The following PLCD3 variants were observed in gnomAD, a reference collection of about 807,000 sequenced individuals.
The protein encoded by PLCD3 is phospholipase C delta 3, also known as 1-phosphatidylinositol 4,5-bisphosphate phosphodiesterase delta-3.
PLCD3 carries 62 observed loss-of-function variants against 82.8 expected under a neutral mutation model. That is an observed-to-expected ratio of 0.75 (90% confidence interval 0.61 to 0.93). The LOEUF (loss-of-function observed/expected upper bound fraction) is 0.93. Among genes scored for constraint, PLCD3 ranks in the 40% least tolerant of loss-of-function variants. The pLI is 0.00. For missense variants in PLCD3, 1,023 were observed against 1,103.4 expected (o/e 0.93, Z 1.03); for synonymous variants, 478 against 471.8 (o/e 1.01, Z -0.17).
rs2054310548 is a variant in PLCD3 at position 45,118,574 on chromosome 17, C to T, written c.914-82G>A. ...TCCAATGCCCCCAAGGCCCACTCAG[C>T]TTAGGAATAATGACTAGACAATCTA... On this transcript the variant is annotated intron_variant, in intron 5 of 14. Transcript: ENST00000619929. This position sits in a 1 kb window ranked among gnomAD's most constrained non-coding sequence, Gnocchi z 4.1. The T allele has an allele frequency of 2.7e-6, 4 of 1,495,390 alleles. No homozygotes were observed. The highest frequency in any genetic ancestry group is 2.8e-6 in the Non-Finnish European group (3 of 1,088,350). 92.6% of individuals were successfully genotyped at this position (1,495,390 alleles called of 1,614,324 possible). A position where few individuals can be genotyped will look rare whatever the true frequency, so the allele number is the denominator to read the frequency against.
At chr17:45,119,798 T>C (rs2143568417) in intron 4 of PLCD3, among the ~76,000 whole-genome samples, 1 of 152,340 alleles carries the variant, frequency 6.6e-6, no homozygotes, top group South Asian at 2.1e-4. Flanking sequence ...TGGGCTCTCC[T>C]GTCTTTCGGG....
intron 1 of PLCD3, among the ~76,000 whole-genome samples, chr17:45,125,561 A>G (rs955083727): frequency 1.3e-5 from 2 of 152,238 alleles, no homozygotes; most frequent in Admixed American, 6.5e-5. Context: ...GTGCCACTAT[A>G]CTCCAGCCTG....
intron 1 of PLCD3, among the ~76,000 whole-genome samples, chr17:45,128,428 C>T (rs1304712506): frequency 6.6e-6 from 1 of 152,190 alleles, no homozygotes; most frequent in Non-Finnish European, 1.5e-5. Flanking sequence ...TGGAGGGCCA[C>T]CCAGCTTACC....
At chr17:45,124,884 G>A (rs552035402) in intron 1 of PLCD3, among the ~76,000 whole-genome samples, 55 of 152,322 alleles carry the variant, frequency 3.6e-4, no homozygotes, top group Middle Eastern at 3.4e-3. Flanking sequence ...GAGGGCAAAC[G>A]AAAGCCAAAA....
chr17:45,120,860 TCTCCAAGGATGGGGCC>T (rs2054331131), intron 3 of PLCD3, 26 bp downstream of exon 3: 2 of 1,408,934 alleles, frequency 1.4e-6, no homozygotes. Flanking sequence ...AGGTTAGGGC[TCTCCAAGGATGGGGCC>T]CTCCCTCCCA....
Position 45,125,779 on chromosome 17 carries a change from G to A in PLCD3, c.164-4407C>T, listed in dbSNP as rs115243577. ...AAGTGAAAGAAGCCAGACCCCAAAC[G>A]ACAAATACTATGTGATTCCACCCAT... On this transcript the variant is annotated intron_variant, in intron 1 of 14. Transcript: ENST00000619929. Among the ~76,000 whole-genome samples, 412 of 152,280 alleles carry A rather than the reference G, an allele frequency of 2.7e-3. 1 individual carries two copies. The highest frequency in any genetic ancestry group is 9.5e-3 in the African/African-American group (396 of 41,560).
intron 10 of PLCD3, among the ~76,000 whole-genome samples, chr17:45,114,796 C>T (rs1041365706): frequency 6.6e-6 from 1 of 152,284 alleles, no homozygotes; most frequent in Non-Finnish European, 1.5e-5. Context: ...CCAGGAATTC[C>T]TCCCCAGTGT....
chr17:45,121,570 G>A (rs2054341300), intron 1 of PLCD3, among the ~76,000 whole-genome samples, 198 bp from the exon 2 acceptor site: 1 of 152,140 alleles, frequency 6.6e-6, no homozygotes, highest in Admixed American at 6.5e-5. Flanking sequence ...TTGGCTTTAG[G>A]CTTTGGAGCC....
Position 45,118,399 on chromosome 17 carries a change from A to G in PLCD3, c.1007T>C (p.Phe336Ser). 1.2e-6 allele frequency: 2 copies of G among 1,613,966 alleles called. No homozygotes were observed. Among genetic ancestry groups the G allele is most frequent in the Non-Finnish European group, 1.7e-6 (2 of 1,179,870 alleles). Reference protein sequence around the residue: ...AALDNTHTCVFQDMNQPLAHY... With the variant: ...AALDNTHTCVSQDMNQPLAHY... ...GGCAAGGGGCTGGTTCATGTCCTGG[A>G]ACACACACGTGTGGGTGTTGTCCAA... Residue 336 changes from phenylalanine (F) to serine (S), a missense_variant, in exon 6 of 15, where the codon TTC becomes TCC. Physicochemically the swap from Phe to Ser is radical, Grantham distance 155. Transcript: ENST00000619929. The surrounding 1 kb of genome is among the most constrained non-coding windows in gnomAD (Gnocchi z 4.1).
chr17:45,120,915 C>G lies in PLCD3; in HGVS notation c.541G>C (p.Glu181Gln). 2 of 1,441,194 alleles carry G rather than the reference C, an allele frequency of 1.4e-6. No individual in the cohort carries two copies. The highest frequency in any genetic ancestry group is 1.8e-6 in the Non-Finnish European group (2 of 1,103,800). 89.3% of individuals were successfully genotyped at this position (1,441,194 alleles called of 1,614,324 possible). The change falls in exon 3 of 15, where the codon GAG (glutamate) becomes CAG (glutamine). Residue 181 changes from glutamate (E) to glutamine (Q), a missense_variant. Glu to Gln is a conservative substitution (Grantham distance 29, BLOSUM62 2). This residue lies in a region of PLCD3 where 448 missense variants were observed against 406.3 expected (regional missense o/e 1.10). Transcript: ENST00000619929. ...RARLDAMSQR[E>Q]RLDHWIHSYL... ...CCGGCAGGATATTGGTCTAGCCGCT[C>G]GCGCTGGCTCATGGCGTCCAGGCGC...
At chr17:45,126,474 T>G (rs1459042997) in intron 1 of PLCD3, among the ~76,000 whole-genome samples, 3 of 150,676 alleles carry the variant, frequency 2.0e-5, no homozygotes, top group East Asian at 1.9e-4. Flanking sequence ...GGCTAATTGT[T>G]GTATTTTTAG....
At position 45,118,413 on chromosome 17, in the gene PLCD3, G is replaced by A. The variant is rs267604915; in HGVS notation, c.993C>T (p.Thr331=). The A allele has an allele frequency of 6.2e-7, 1 of 1,613,972 alleles. No individual in the cohort carries two copies. The highest frequency in any genetic ancestry group is 2.2e-5 in the East Asian group (1 of 44,886). Residue 331 remains threonine (T), a synonymous_variant, in exon 6 of 15, where the codon ACC becomes ACT. Transcript: ENST00000619929. This position sits in a 1 kb window ranked among gnomAD's most constrained non-coding sequence, Gnocchi z 4.1. ...TCATGTCCTGGAACACACACGTGTG[G>A]GTGTTGTCCAAGGCAGCCCCCTCCG... ...LSPEGAALDN[T]HTCVFQDMNQ... is the part of the protein sequence containing the mutation.
intron 4 of PLCD3, among the ~76,000 whole-genome samples, chr17:45,119,577 C>G (rs928288604): frequency 2.0e-5 from 3 of 152,208 alleles, no homozygotes; most frequent in African/African-American, 7.2e-5. Flanking sequence ...TCAGTGCCTG[C>G]CCCTCTGCAC....
chr17:45,118,382 G>A lies in PLCD3; in HGVS notation c.1024C>T (p.Pro342Ser). ...GAAGAGATGAAGTAGTGGGCAAGGGGCTGGTTCATGTCCTGGAACACACAC... is the reference window on the plus strand; with the variant it reads ...GAAGAGATGAAGTAGTGGGCAAGGGACTGGTTCATGTCCTGGAACACACAC... Reference protein sequence around the residue: ...HTCVFQDMNQPLAHYFISSSH... With the variant: ...HTCVFQDMNQSLAHYFISSSH... Residue 342 changes from proline to serine, a missense_variant, in exon 6 of 15, where the codon CCC becomes TCC. Transcript: ENST00000619929. This position sits in a 1 kb window ranked among gnomAD's most constrained non-coding sequence, Gnocchi z 4.1. 1 of 1,614,022 alleles carries A rather than the reference G, an allele frequency of 6.2e-7. No homozygotes were observed. Among genetic ancestry groups the A allele is most frequent in the African/African-American group, 1.3e-5 (1 of 75,050 alleles).
intron 4 of PLCD3, 34 bp from the exon 5 acceptor site, chr17:45,119,077 G>A: frequency 6.5e-7 from 1 of 1,535,936 alleles, no homozygotes; most frequent in Non-Finnish European, 8.8e-7. Context: ...AGAGGAGGCA[G>A]ACACTCCAGG....
intron 7 of PLCD3, 56 bp from the exon 8 acceptor site, chr17:45,116,840 C>T: frequency 6.7e-7 from 1 of 1,498,856 alleles, no homozygotes; most frequent in East Asian, 2.5e-5. Flanking sequence ...CCAGTATCTC[C>T]CAACATCTGG....
In PLCD3 at chr17:45,118,750, G is replaced by T; in HGVS notation, c.913+65C>A. 6.6e-7 allele frequency: 1 copy of T among 1,504,350 alleles called. No individual in the cohort carries two copies. The highest frequency in any genetic ancestry group is 8.9e-7 in the Non-Finnish European group (1 of 1,117,570). 93.2% of individuals were successfully genotyped at this position (1,504,350 alleles called of 1,614,324 possible). The stretch of plus-strand genomic sequence containing the variant: ...ATGATGCCCGCGCCAGCCCGCAGCA[G>T]AACCCGCTTAGCTGGGAACACAGCC... On this transcript the variant is annotated intron_variant, in intron 5 of 14. Coordinates refer to ENST00000619929, the MANE Select transcript of PLCD3 (RefSeq NM_133373.5). This position sits in a 1 kb window ranked among gnomAD's most constrained non-coding sequence, Gnocchi z 4.1.
intron 4 of PLCD3, 56 bp downstream of exon 4, chr17:45,120,269 G>C: frequency 6.2e-7 from 1 of 1,609,582 alleles, no homozygotes; most frequent in Non-Finnish European, 8.5e-7. Flanking sequence ...GCTGGGGGCA[G>C]GCAGAGGTCA....
intron 7 of PLCD3, 42 bp downstream of exon 7, chr17:45,117,952 G>A (rs1283505350): frequency 1.2e-6 from 2 of 1,607,886 alleles, no homozygotes; most frequent in Admixed American, 3.4e-5. Context: ...GGAGGTCATT[G>A]GGAAGGCTGT....
Sources: allele counts gnomAD v4.1 joint callset (sites outside exome capture counted in the v4.1 genomes callset), GRCh38; gene constraint gnomAD v4.1.1; regional missense constraint gnomAD v4.1.1; non-coding constraint Gnocchi (gnomAD v3.1); transcripts MANE v1.5; gene names NCBI Gene and HGNC (gene_info 2026-07-23, HGNC 2026-07-21).